The following ARHGAP10 variants were observed in gnomAD, a reference collection of about 807,000 sequenced individuals.
ARHGAP10 encodes Rho GTPase activating protein 10.
In ARHGAP10, 87 loss-of-function variants were observed where a neutral mutation model predicts 108.6. The ratio of observed to expected loss-of-function variants is 0.80; its 90% CI spans 0.67 to 0.96. ARHGAP10 has a LOEUF of 0.96. Ranked by LOEUF, ARHGAP10 falls within the 40% of genes least tolerant of loss-of-function variation. The pLI, the probability that ARHGAP10 is intolerant of heterozygous loss-of-function variation, is 0.00. For missense variants in ARHGAP10, 939 were observed against 954.5 expected, an observed-to-expected ratio of 0.98 and a Z score of 0.21; for synonymous variants, 347 against 341.1, an observed-to-expected ratio of 1.02 and a Z score of -0.19.
chr4:147,791,428 A>G (rs1262050373), intron 1 of ARHGAP10, among the ~76,000 whole-genome samples: 1 of 151,604 alleles, frequency 6.6e-6, no homozygotes, highest in Non-Finnish European at 1.5e-5. Context: ...GTACTTTAGG[A>G]GGAAAAAAAG....
At chr4:147,868,782 A>G (rs1409673513) in intron 7 of ARHGAP10, among the ~76,000 whole-genome samples, 1 of 152,242 alleles carries the variant, frequency 6.6e-6, no homozygotes, top group East Asian at 1.9e-4. Context: ...CCACGTGCGC[A>G]GTTCACAATA....
chr4:147,942,178 GGTTT>G (rs1738186323), intron 14 of ARHGAP10, among the ~76,000 whole-genome samples: 1 of 152,046 alleles, frequency 6.6e-6, no homozygotes, highest in Admixed American at 6.6e-5. Flanking sequence ...GCAGGTAATA[GGTTT>G]ATTTCAAATT....
At chr4:147,773,628 TTTA>T (rs1730166361) in intron 1 of ARHGAP10, among the ~76,000 whole-genome samples, 1 of 152,214 alleles carries the variant, frequency 6.6e-6, no homozygotes, top group African/African-American at 2.4e-5. Context: ...GTCATAAGGA[TTTA>T]AAAACAGTTA....
At chr4:147,929,407 T>C (rs1419044246) in intron 13 of ARHGAP10, among the ~76,000 whole-genome samples, 1 of 152,236 alleles carries the variant, frequency 6.6e-6, no homozygotes, top group African/African-American at 2.4e-5. Context: ...ATACACATTT[T>C]TGACAGAATG....
intron 1 of ARHGAP10, among the ~76,000 whole-genome samples, chr4:147,786,106 A>T (rs1486680575): frequency 1.3e-5 from 2 of 152,140 alleles, no homozygotes; most frequent in African/African-American, 4.8e-5. Flanking sequence ...GGTTAAAAGT[A>T]AGACAGGGGG....
intron 18 of ARHGAP10, among the ~76,000 whole-genome samples, chr4:148,000,972 T>C (rs938855357): frequency 6.6e-6 from 1 of 152,204 alleles, no homozygotes; most frequent in East Asian, 1.9e-4. Context: ...TGCCATTGCT[T>C]TTGGTGTTTT....
At chr4:147,832,666 G>GAAAAAAAAAAAAAAAAAAAAAAAAAAAAA (rs1165230059) in intron 3 of ARHGAP10, among the ~76,000 whole-genome samples, 1 of 45,756 alleles carries the variant, frequency 2.2e-5, no homozygotes. Flanking sequence ...AAAAAAAAAG[G>GAAAAAAAAAAAAAAAAAAAAAAAAAAAAA]AAATTGGAGC....
intron 1 of ARHGAP10, among the ~76,000 whole-genome samples, chr4:147,810,672 T>G (rs1260701425): frequency 6.6e-6 from 1 of 152,124 alleles, no homozygotes; most frequent in Non-Finnish European, 1.5e-5. Flanking sequence ...GCACATACAG[T>G]GATTTGCCTC....
intron 19 of ARHGAP10, among the ~76,000 whole-genome samples, chr4:148,028,955 T>C (rs1306204511): frequency 6.6e-6 from 1 of 152,232 alleles, no homozygotes; most frequent in South Asian, 2.1e-4. Flanking sequence ...TTCAGTTTTT[T>C]CCTTGCAGCT....
intron 18 of ARHGAP10, among the ~76,000 whole-genome samples, chr4:147,994,486 G>A (rs1251548395): frequency 6.6e-6 from 1 of 152,208 alleles, no homozygotes; most frequent in Non-Finnish European, 1.5e-5. Flanking sequence ...AATCTCTAAA[G>A]TAGTTGGATT....
chr4:148,015,356 G>C (rs1485646171), intron 18 of ARHGAP10, among the ~76,000 whole-genome samples: 2 of 152,166 alleles, frequency 1.3e-5, no homozygotes, highest in African/African-American at 4.8e-5. Flanking sequence ...CTGACTAGTG[G>C]TATGAATATG....
chr4:148,035,907 A>T (rs568837771), intron 19 of ARHGAP10, among the ~76,000 whole-genome samples: 1 of 152,318 alleles, frequency 6.6e-6, no homozygotes, highest in Non-Finnish European at 1.5e-5. Context: ...TATGGACAGT[A>T]AAGAAGAATT....
chr4:147,925,388 C>A (rs1221040307), intron 13 of ARHGAP10, among the ~76,000 whole-genome samples: 1 of 151,958 alleles, frequency 6.6e-6, no homozygotes, highest in Non-Finnish European at 1.5e-5. Flanking sequence ...AGGAATCTTG[C>A]AAAAAGCAAC....
At chr4:147,866,956 G>A (rs1734592321) in intron 7 of ARHGAP10, 140 bp downstream of exon 7, 1 of 707,448 alleles carries the variant, frequency 1.4e-6, no homozygotes, top group Admixed American at 3.1e-5. Context: ...GCCACCTGCT[G>A]GTCAACTCTT....
At chr4:147,821,610 T>A (rs1732500431) in intron 1 of ARHGAP10, among the ~76,000 whole-genome samples, 1 of 152,218 alleles carries the variant, frequency 6.6e-6, no homozygotes, top group South Asian at 2.1e-4. Flanking sequence ...GGTTAGAGGC[T>A]GTGCACGTGG....
intron 1 of ARHGAP10, among the ~76,000 whole-genome samples, chr4:147,746,772 CAG>C (rs1408566766): frequency 1.3e-5 from 2 of 152,206 alleles, no homozygotes; most frequent in East Asian, 3.9e-4. Flanking sequence ...TGTTTCATGA[CAG>C]AGGAGATGGT....
chr4:147,949,700 G>A (rs1250644226), intron 15 of ARHGAP10, among the ~76,000 whole-genome samples: 1 of 152,218 alleles, frequency 6.6e-6, no homozygotes, highest in Non-Finnish European at 1.5e-5. Context: ...GAGACGTACT[G>A]CCACTCTAGG....
intron 16 of ARHGAP10, among the ~76,000 whole-genome samples, chr4:147,958,254 C>T (rs111947662): frequency 3.0e-4 from 45 of 152,272 alleles, no homozygotes; most frequent in African/African-American, 1.0e-3. Context: ...ACTCATGCCT[C>T]AGGGTTGGAG....
intron 17 of ARHGAP10, among the ~76,000 whole-genome samples, chr4:147,966,081 T>G (rs1488770165): frequency 6.6e-6 from 1 of 152,244 alleles, no homozygotes; most frequent in Non-Finnish European, 1.5e-5. Flanking sequence ...AGAGTGATTG[T>G]GGGTGCTCTG....
Sources: gnomAD v4.1 joint callset for allele counts (sites outside exome capture counted in the v4.1 genomes callset) on GRCh38, gnomAD v4.1.1 for gene constraint, MANE v1.5 for transcripts, NCBI Gene and HGNC (gene_info 2026-07-23, HGNC 2026-07-21) for gene names.